Variants in GRM5 observed in about 807,000 individuals in gnomAD.
GRM5 encodes the protein glutamate metabotropic receptor 5.
Under a neutral mutation model 83.1 loss-of-function variants are expected in GRM5, and 19 were observed. The observed-to-expected ratio is 0.23, with a 90% confidence interval of 0.16 to 0.34. The LOEUF (loss-of-function observed/expected upper bound fraction) is 0.34. GRM5 is among the 10% of genes least tolerant of loss of function. The pLI, the probability that GRM5 is intolerant of heterozygous loss-of-function variation, is 1.00. For missense variants in GRM5, 1,160 were observed against 1,588.3 expected, an observed-to-expected ratio of 0.73 and a Z score of 4.58; for synonymous variants, 675 against 633.6, an observed-to-expected ratio of 1.07 and a Z score of -0.98.
chr11:88,799,201 T>C (rs1014205060), intron 3 of GRM5, among the ~76,000 whole-genome samples: 7 of 152,130 alleles, frequency 4.6e-5, no homozygotes, highest in African/African-American at 1.4e-4. Context: ...AGAATTTTCA[T>C]TGAATTGCTG....
chr11:88,602,443 T>G lies in GRM5; in HGVS notation c.1394+2275A>C, dbSNP rs77735028. Among the ~76,000 whole-genome samples, 706 of 152,258 alleles carry G rather than the reference T, an allele frequency of 4.6e-3. 15 individuals are homozygous for G. The highest frequency in any genetic ancestry group is 0.041 in the East Asian group (211 of 5,176). On this transcript the variant is annotated intron_variant, in intron 5 of 9. Coordinates refer to ENST00000305447, the MANE Select transcript of GRM5 (RefSeq NM_001143831.3). ...AAGTGTGTGCCAGAGTGAGTTGCCA[T>G]CTCTCTCAGCTTCCTCTGTTTAGGA...
chr11:88,593,767 TC>T lies in GRM5; in HGVS notation c.1564-3041del, dbSNP rs1591370139. On this transcript the variant is annotated intron_variant, in intron 6 of 9. Transcript: ENST00000305447. ...CTCCTTCGCTCCCTCCCTCCTTCTC[TC>T]TCTCTCTCTCTCTCTCTTTCTCTCT... Among the ~76,000 whole-genome samples the T allele has an allele frequency of 1.4e-4, 12 of 82,860 alleles. 1 individual carries two copies. Among genetic ancestry groups the T allele is most frequent in the Admixed American group, 3.2e-4 (3 of 9,332 alleles). The allele number at this position is 82,860 out of a possible 152,430, so 54.4% of individuals were successfully genotyped here.
chr11:88,935,658 G>A (rs540055991), intron 2 of GRM5, among the ~76,000 whole-genome samples: 3 of 151,876 alleles, frequency 2.0e-5, no homozygotes, highest in Non-Finnish European at 4.4e-5. Flanking sequence ...GATAAGACTC[G>A]TGTTCCAGCC....
At chr11:88,915,388 A>G (rs1252228998) in intron 2 of GRM5, among the ~76,000 whole-genome samples, 2 of 152,150 alleles carry the variant, frequency 1.3e-5, no homozygotes, top group African/African-American at 4.8e-5. Flanking sequence ...TTCAAAAACC[A>G]GTGATATCGA....
chr11:88,573,866 T>C (rs1943054308), intron 7 of GRM5, among the ~76,000 whole-genome samples: 1 of 152,218 alleles, frequency 6.6e-6, no homozygotes, highest in South Asian at 2.1e-4. Context: ...GATCACAGGG[T>C]GATACAGAAT....
At chr11:88,997,710 A>T (rs1369337291) in intron 2 of GRM5, among the ~76,000 whole-genome samples, 1 of 152,134 alleles carries the variant, frequency 6.6e-6, no homozygotes, top group African/African-American at 2.4e-5. Flanking sequence ...GAGGAAATTA[A>T]TCAATTCCAT....
In GRM5 at chr11:88,567,022, C is replaced by T. The variant is rs202093753; in HGVS notation, c.2630+31G>A. The T allele has an allele frequency of 9.4e-6, 13 of 1,390,262 alleles. No individual in the cohort carries two copies. The highest frequency in any genetic ancestry group is 1.3e-5 in the South Asian group (1 of 77,076). The allele number at this position is 1,390,262 out of a possible 1,614,324, so 86.1% of individuals were successfully genotyped here. A position where few individuals can be genotyped will look rare whatever the true frequency, so the allele number is the denominator to read the frequency against. ...ATGCCTCTGCTCCAGTTTTAGGGGCCAGCATCCCTGTAAGCCCCCACAACT... is the reference window on the plus strand; with the variant it reads ...ATGCCTCTGCTCCAGTTTTAGGGGCTAGCATCCCTGTAAGCCCCCACAACT... On this transcript the variant is annotated intron_variant, in intron 8 of 9. Transcript: ENST00000305447. This position sits in a 1 kb window ranked among gnomAD's most constrained non-coding sequence, Gnocchi z 7.3.
chr11:89,002,166 C>A (rs1565330158), intron 2 of GRM5, among the ~76,000 whole-genome samples: 2 of 151,980 alleles, frequency 1.3e-5, no homozygotes, highest in Non-Finnish European at 2.9e-5. Flanking sequence ...GCATGTTTTC[C>A]AAACAGTATC....
Position 88,885,450 on chromosome 11 carries a change from G to GTTTTTTTTTTTTTTTT in GRM5, c.662-35311_662-35296dup, listed in dbSNP as rs61456975. Among the ~76,000 whole-genome samples, 8 of 62,664 alleles carry GTTTTTTTTTTTTTTTT rather than the reference G, an allele frequency of 1.3e-4. 1 individual carries two copies. Among genetic ancestry groups the GTTTTTTTTTTTTTTTT allele is most frequent in the East Asian group, 5.5e-4 (1 of 1,828 alleles). The allele number at this position is 62,664 out of a possible 152,430, so 41.1% of individuals were successfully genotyped here. A position where few individuals can be genotyped will look rare whatever the true frequency, so the allele number is the denominator to read the frequency against. On this transcript the variant is annotated intron_variant, in intron 2 of 9. Transcript: ENST00000305447. ...TTCTGAATTCTATAGTAGGTACCATGTTTTTTTTTTTTTTTTTTTTTTTTT... is the reference window on the plus strand; with the variant it reads ...TTCTGAATTCTATAGTAGGTACCATGTTTTTTTTTTTTTTTTTTTTTTTTTTTTTTTTTTTTTTTTT...
In GRM5 at chr11:88,952,173, G is replaced by A. The variant is rs113601750; in HGVS notation, c.661+95039C>T. On this transcript the variant is annotated intron_variant, in intron 2 of 9. Transcript: ENST00000305447. ...TGCTATAATGCACAATGTTCTCTGC[G>A]TTTTCTTTAAGCTAACTCACACCCT... Among the ~76,000 whole-genome samples the A allele has an allele frequency of 2.5e-4, 38 of 151,948 alleles. 2 individuals are homozygous for A. The highest frequency in any genetic ancestry group is 8.0e-4 in the African/African-American group (33 of 41,362).
chr11:88,696,363 T>C (rs1229435058), intron 3 of GRM5, among the ~76,000 whole-genome samples: 3 of 152,168 alleles, frequency 2.0e-5, no homozygotes, highest in African/African-American at 7.2e-5. Context: ...AGAGTGGTCT[T>C]GAAAAATGCA....
chr11:88,621,127 G>A (rs1240034747), intron 4 of GRM5, among the ~76,000 whole-genome samples: 1 of 152,158 alleles, frequency 6.6e-6, no homozygotes, highest in Non-Finnish European at 1.5e-5. Context: ...ACAGGGACAT[G>A]AGGGCTAATG....
chr11:88,648,519 G>A (rs1939530165), intron 4 of GRM5, among the ~76,000 whole-genome samples: 1 of 96,718 alleles, frequency 1.0e-5, no homozygotes, highest in Non-Finnish European at 2.1e-5. Flanking sequence ...GGGGGGAGGG[G>A]GGAGGGATAG....
intron 3 of GRM5, among the ~76,000 whole-genome samples, chr11:88,697,940 A>G (rs1472952458): frequency 6.6e-6 from 1 of 152,234 alleles, no homozygotes; most frequent in African/African-American, 2.4e-5. Context: ...GTAATCCAGT[A>G]TCAAGTGCTG....
At chr11:88,809,177 G>A (rs1056095197) in intron 3 of GRM5, among the ~76,000 whole-genome samples, 10 of 152,112 alleles carry the variant, frequency 6.6e-5, no homozygotes, top group Admixed American at 6.6e-4. Context: ...TATAAGGGAG[G>A]AATTAATTGA....
intron 4 of GRM5, among the ~76,000 whole-genome samples, chr11:88,609,032 C>T (rs924083313): frequency 6.6e-6 from 1 of 152,064 alleles, no homozygotes; most frequent in African/African-American, 2.4e-5. Flanking sequence ...GGTATATGTG[C>T]AGGTTTGTTA....
At chr11:88,823,253 T>C (rs2135511665) in intron 3 of GRM5, among the ~76,000 whole-genome samples, 1 of 150,918 alleles carries the variant, frequency 6.6e-6, no homozygotes, top group South Asian at 2.1e-4. Flanking sequence ...AATGTAAATA[T>C]TATTTATAAT....
At chr11:88,745,583 T>TTCTA (rs1942120722) in intron 3 of GRM5, among the ~76,000 whole-genome samples, 1 of 152,184 alleles carries the variant, frequency 6.6e-6, no homozygotes, top group African/African-American at 2.4e-5. Flanking sequence ...ATCTTGTAAC[T>TTCTA]TCTATCTTTT....
At chr11:88,588,476 A>G (rs1176761667) in intron 7 of GRM5, among the ~76,000 whole-genome samples, 1 of 152,164 alleles carries the variant, frequency 6.6e-6, no homozygotes, top group African/African-American at 2.4e-5. Context: ...GGGCAAGGGA[A>G]TAAATTGGAA....
Sources: gnomAD v4.1 joint callset for allele counts (sites outside exome capture counted in the v4.1 genomes callset) on GRCh38, gnomAD v4.1.1 for gene constraint, Gnocchi (gnomAD v3.1) non-coding constraint, MANE v1.5 for transcripts, NCBI Gene and HGNC (gene_info 2026-07-23, HGNC 2026-07-21) for gene names.